The following GDF1 variants were observed in gnomAD, a reference collection of about 807,000 sequenced individuals.
GDF1 encodes the protein embryonic growth/differentiation factor 1.
Under a neutral mutation model 7.4 loss-of-function variants are expected in GDF1, and 8 were observed. That is an observed-to-expected ratio of 1.09 (90% CI 0.64 to 1.96). The LOEUF (loss-of-function observed/expected upper bound fraction) is 1.96, where lower values mean the gene tolerates loss of function less well. GDF1 is among the 30% of genes most tolerant of loss of function. The pLI, the probability that GDF1 is intolerant of heterozygous loss-of-function variation, is 0.00. For missense variants in GDF1, 574 were observed against 551.5 expected, an observed-to-expected ratio of 1.04 and a Z score of -0.41; for synonymous variants, 311 against 276.7, an observed-to-expected ratio of 1.12 and a Z score of -1.23.
Position 18,869,245 on chromosome 19 carries a change from TGCCGCCGCC to T in GDF1, c.462_470del (p.Ala156_Ala158del), listed in dbSNP as rs571387097. ...TCAGCTCCCAGCCGCCCTCCGGGGC[TGCCGCCGCC>T]GCCGCCGCGAAACGCAGCTCCAGGC... On this transcript the variant is annotated inframe_deletion, in exon 8 of 8. Transcript: ENST00000247005. 2.3e-5 allele frequency: 33 copies of T among 1,428,202 alleles called. No individual in the cohort carries two copies. The highest frequency in any genetic ancestry group is 5.8e-5 in the Admixed American group (2 of 34,422). The allele number at this position is 1,428,202 out of a possible 1,614,324, so 88.5% of individuals were successfully genotyped here. A position where few individuals can be genotyped will look rare whatever the true frequency, so the allele number is the denominator to read the frequency against.
rs2055903037 is a variant in GDF1, at chr19:18,868,826, T to C, written c.890A>G (p.Gln297Arg). 2.7e-6 allele frequency: 4 copies of C among 1,455,526 alleles called. No individual in the cohort carries two copies. The highest frequency in any genetic ancestry group is 3.7e-6 in the Non-Finnish European group (4 of 1,094,428). The allele number at this position is 1,455,526 out of a possible 1,614,324, so 90.2% of individuals were successfully genotyped here. Reference protein sequence around the residue: ...APRGFLANYCQGQCALPVALS... With the variant: ...APRGFLANYCRGQCALPVALS... ...CGCGACGGGCAGCGCGCACTGACCC[T>C]GGCAGTAGTTGGCCAGGAAGCCGCG... Residue 297 changes from glutamine to arginine, a missense_variant, in exon 8 of 8, where the codon CAG (glutamine) becomes CGG (arginine). Coordinates refer to ENST00000247005, the MANE Select transcript of GDF1 (RefSeq NM_001492.6).
chr19:18,878,816 G>A lies in GDF1; in HGVS notation c.-313+114C>T. The A allele has an allele frequency of 4.0e-6, 6 of 1,494,506 alleles. No homozygotes were observed. The highest frequency in any genetic ancestry group is 5.3e-6 in the Non-Finnish European group (6 of 1,122,482). The allele number at this position is 1,494,506 out of a possible 1,614,324, so 92.6% of individuals were successfully genotyped here. On this transcript the variant is annotated intron_variant, in intron 6 of 7. Transcript: ENST00000247005. The surrounding 1 kb of genome is among the most constrained non-coding windows in gnomAD (Gnocchi z 4.6). ...CTCTGTTTTGGAGTAGGCTTGGGGGGCAGCATCCGCGTCGGCCTCATCTGC... is the reference window on the plus strand; with the variant it reads ...CTCTGTTTTGGAGTAGGCTTGGGGGACAGCATCCGCGTCGGCCTCATCTGC...
intron 2 of GDF1, among the ~76,000 whole-genome samples, chr19:18,885,841 C>T (rs2056343685): frequency 6.6e-6 from 1 of 152,118 alleles, no homozygotes; most frequent in Non-Finnish European, 1.5e-5. Flanking sequence ...TAACAGAGCC[C>T]TGCCTTGCGG....
intron 2 of GDF1, among the ~76,000 whole-genome samples, chr19:18,891,603 G>C (rs549500081): frequency 1.3e-5 from 2 of 152,058 alleles, no homozygotes; most frequent in East Asian, 3.9e-4. Flanking sequence ...CCCCAGGCAG[G>C]GTCTCGCTCT....
At chr19:18,871,872 T>C (rs980491625) in intron 6 of GDF1, among the ~76,000 whole-genome samples, 1 of 152,198 alleles carries the variant, frequency 6.6e-6, no homozygotes, top group Admixed American at 6.5e-5. Context: ...TCTCGATTCT[T>C]CCCATAAACA....
Position 18,870,745 on chromosome 19 carries a change from C to A in GDF1, c.-312-126G>T, listed in dbSNP as rs1371896093. 1 of 446,640 alleles carries A rather than the reference C, an allele frequency of 2.2e-6. No individual in the cohort carries two copies. Among genetic ancestry groups the A allele is most frequent in the Non-Finnish European group, 4.1e-6 (1 of 246,494 alleles). The allele number at this position is 446,640 out of a possible 1,614,324, so 27.7% of individuals were successfully genotyped here. On this transcript the variant is annotated intron_variant, in intron 6 of 7. Coordinates refer to ENST00000247005, the MANE Select transcript of GDF1 (RefSeq NM_001492.6). The surrounding 1 kb of genome is among the most constrained non-coding windows in gnomAD (Gnocchi z 5.1). Reference sequence around the variant, plus strand: ...TTTACCCGGCCAGGCCCGGGCCTCGCCTTGTGGCTTCCTCCTCGCCTTCAC... The same window carrying A: ...TTTACCCGGCCAGGCCCGGGCCTCGACTTGTGGCTTCCTCCTCGCCTTCAC...
At position 18,880,338 on chromosome 19, in the gene GDF1, C is replaced by T. The variant is rs935097145; in HGVS notation, c.-635G>A. 3 of 1,556,338 alleles carry T rather than the reference C, an allele frequency of 1.9e-6. No individual in the cohort carries two copies. Among genetic ancestry groups the T allele is most frequent in the East Asian group, 2.4e-5 (1 of 41,406 alleles). ...AAGGCATGCAGCCGATGGTAGGAGC[C>T]GCCGCGGGACTTGAAGTAAATGTTG... On this transcript the variant is annotated 5_prime_UTR_variant, in exon 4 of 8. Transcript: ENST00000247005.
intron 1 of GDF1, 51 bp from the exon 2 acceptor site, chr19:18,893,626 T>G (rs2056552391): frequency 6.4e-7 from 1 of 1,554,422 alleles, no homozygotes; most frequent in African/African-American, 1.4e-5. Flanking sequence ...GGCCAGAGAC[T>G]GCTCCTTTGG....
At chr19:18,891,080 T>G (rs1601187500) in intron 2 of GDF1, among the ~76,000 whole-genome samples, 1 of 150,046 alleles carries the variant, frequency 6.7e-6, no homozygotes, top group East Asian at 2.0e-4. Context: ...GCCGAGATCG[T>G]GCCATTGCAC....
At position 18,870,320 on chromosome 19, in the gene GDF1, C is replaced by T. The variant is rs542969734; in HGVS notation, c.-13G>A. ...GCGGCGGTGGCATCTTCCTCCCAGG[C>T]GATGACCAGAGAGTGCGCAGGGTCC... On this transcript the variant is annotated 5_prime_UTR_variant, in exon 7 of 8. Transcript: ENST00000247005. The surrounding 1 kb of genome is among the most constrained non-coding windows in gnomAD (Gnocchi z 5.1). 1 of 1,544,960 alleles carries T rather than the reference C, an allele frequency of 6.5e-7. No homozygotes were observed. Among genetic ancestry groups the T allele is most frequent in the South Asian group, 1.2e-5 (1 of 83,878 alleles).
At chr19:18,887,914 T>C (rs1007985928) in intron 2 of GDF1, among the ~76,000 whole-genome samples, 2 of 151,910 alleles carry the variant, frequency 1.3e-5, no homozygotes, top group African/African-American at 4.8e-5. Context: ...TCTCTCCCCA[T>C]TCCCCTCCCC....
intron 2 of GDF1, among the ~76,000 whole-genome samples, chr19:18,892,978 GCGAAC>G (rs1555706941): frequency 4.0e-5 from 6 of 151,700 alleles, no homozygotes; most frequent in South Asian, 2.1e-4. Flanking sequence ...GTGCAGTGGC[GCGAAC>G]TCGGCTCACT....
chr19:18,879,115 G>C, intron 5 of GDF1, 76 bp from the exon 6 acceptor site: 2 of 1,587,154 alleles, frequency 1.3e-6, no homozygotes, highest in Non-Finnish European at 1.7e-6. Flanking sequence ...ATGTGCTCCT[G>C]TCCCGGGCCC....
chr19:18,875,119 C>A (rs1345711326), intron 6 of GDF1, among the ~76,000 whole-genome samples: 1 of 151,926 alleles, frequency 6.6e-6, no homozygotes, highest in Non-Finnish European at 1.5e-5. Context: ...GCCTGTGGTT[C>A]CAGCTACTTG....
intron 2 of GDF1, among the ~76,000 whole-genome samples, chr19:18,893,193 G>A (rs58841981): frequency 0.041 from 6,229 of 151,216 alleles, 156 homozygotes; most frequent in African/African-American, 0.057. Context: ...GATTACAGGC[G>A]TGAGCCACTG....
intron 2 of GDF1, among the ~76,000 whole-genome samples, chr19:18,892,314 C>T (rs2056510192): frequency 6.6e-6 from 1 of 151,704 alleles, no homozygotes. Flanking sequence ...CCATGCTGTG[C>T]TTAAAAACAT....
chr19:18,880,368 TG>T lies in GDF1; in HGVS notation c.-666del. ...CGGGACTTGAAGTAAATGTTGAGCT[TG>T]GTGAACTCAAGCTGCACGTCACTGA... On this transcript the variant is annotated 5_prime_UTR_variant, in exon 4 of 8. It introduces an in-frame stop codon into an upstream open reading frame of the 5' UTR. Transcript: ENST00000247005. The T allele has an allele frequency of 6.4e-7, 1 of 1,574,494 alleles. No homozygotes were observed.
intron 6 of GDF1, among the ~76,000 whole-genome samples, chr19:18,872,308 C>A (rs960698976): frequency 6.6e-6 from 1 of 152,168 alleles, no homozygotes; most frequent in Non-Finnish European, 1.5e-5. Flanking sequence ...GGCGGTGTAC[C>A]CACCTTGGGG....
chr19:18,871,893 A>T (rs1371257788), intron 6 of GDF1, among the ~76,000 whole-genome samples: 4 of 152,160 alleles, frequency 2.6e-5, no homozygotes, highest in African/African-American at 9.7e-5. Context: ...AACCTCCGTG[A>T]CACACTGTCC....
Sources: gnomAD v4.1 joint callset for allele counts (sites outside exome capture counted in the v4.1 genomes callset) on GRCh38, gnomAD v4.1.1 for gene constraint, Gnocchi (gnomAD v3.1) non-coding constraint, MANE v1.5 for transcripts, NCBI Gene and HGNC (gene_info 2026-07-23, HGNC 2026-07-21) for gene names.